GCN1: variants seen among roughly 807,000 people sequenced by gnomAD.
The protein encoded by GCN1 is GCN1 activator of EIF2AK4.
In GCN1, 90 loss-of-function variants were observed where a neutral mutation model predicts 288.4. The ratio of observed to expected loss-of-function variants is 0.31; its 90% CI spans 0.26 to 0.37. The LOEUF is 0.37. Ranked by LOEUF, GCN1 falls within the 10% of genes least tolerant of loss-of-function variation. The pLI is 1.00. For missense variants in GCN1, 2,586 were observed against 3,419.9 expected, an observed-to-expected ratio of 0.76 and a Z score of 6.08; for synonymous variants, 1,386 against 1,420.2, an observed-to-expected ratio of 0.98 and a Z score of 0.54.
At chr12:120,184,942 T>C in intron 2 of GCN1, 55 bp from the exon 3 acceptor site, 1 of 1,170,620 alleles carries the variant, frequency 8.5e-7, no homozygotes, top group Non-Finnish European at 1.3e-6. Flanking sequence ...GGTAAGCCGC[T>C]GGAGTCAGGT....
At position 120,164,419 on chromosome 12, in the gene GCN1, G is replaced by A. The variant is rs368520584; in HGVS notation, c.1765C>T (p.Arg589Trp). Residue 589 changes from arginine to tryptophan, a missense_variant, in exon 18 of 58, where the codon CGG (arginine) becomes TGG (tryptophan). Arg to Trp is a moderately radical substitution (Grantham distance 101). This residue lies in a region of GCN1 where 913 missense variants were observed against 1,107.0 expected (regional missense o/e 0.82). Coordinates refer to ENST00000300648, the MANE Select transcript of GCN1 (RefSeq NM_006836.2). The part of the protein sequence containing the change: ...HVRRQAQQTV[R>W]KLLSSLGGFK... Reference sequence around the variant, plus strand: ...CCCCCAAGAGAGGACAGCAGCTTCCGAACTGTCTGCTGAGCCTGCCTGCGG... The same window carrying A: ...CCCCCAAGAGAGGACAGCAGCTTCCAAACTGTCTGCTGAGCCTGCCTGCGG... 3.7e-6 allele frequency: 6 copies of A among 1,614,114 alleles called. No individual in the cohort carries two copies. Among genetic ancestry groups the A allele is most frequent in the South Asian group, 1.1e-5 (1 of 91,076 alleles).
At chr12:120,149,780 A>T in intron 35 of GCN1, 60 bp from the exon 36 acceptor site, 1 of 1,525,354 alleles carries the variant, frequency 6.6e-7, no homozygotes, top group East Asian at 2.3e-5. Flanking sequence ...GCAAGGCCTG[A>T]CACCAGTCCT....
intron 24 of GCN1, 65 bp downstream of exon 24, chr12:120,159,760 A>T (rs1594274606): frequency 7.1e-7 from 1 of 1,398,860 alleles, no homozygotes; most frequent in Non-Finnish European, 1.0e-6. Context: ...ACTCAGGGGC[A>T]CACCCTGTCC....
In GCN1 at chr12:120,137,796, C is replaced by T. The variant is rs776329677; in HGVS notation, c.6412G>A (p.Ala2138Thr). 1.2e-6 allele frequency: 2 copies of T among 1,613,730 alleles called. No individual in the cohort carries two copies. Among genetic ancestry groups the T allele is most frequent in the South Asian group, 1.1e-5 (1 of 91,076 alleles). The change falls in exon 49 of 58, where the codon GCT becomes ACT. Residue 2138 changes from alanine (A) to threonine (T), a missense_variant. Around this residue, in one of 8 missense-constraint regions of GCN1, gnomAD observed 437 missense variants for 570.5 expected, o/e 0.77. Coordinates refer to ENST00000300648, the MANE Select transcript of GCN1 (RefSeq NM_006836.2). The surrounding 1 kb of genome is among the most constrained non-coding windows in gnomAD (Gnocchi z 5.2). ...DEQLEMANCQ[A>T]VILSVEDDTG... The stretch of plus-strand genomic sequence containing the variant: ...TCATCCTCTACGGAGAGGATCACAG[C>T]CTGACAATTGGCCATCTCCTGCAAA...
Position 120,151,195 on chromosome 12 carries a change from G to A in GCN1, c.4259C>T (p.Ala1420Val), listed in dbSNP as rs536314763. ...ATCTTGGATGGCATCAGTCAGTGCC[G>A]CCATCATCTCCTGTTGCTTCAGCGA... ...ILSLKQQEMM[A>V]ALTDAIQDKK... The change falls in exon 34 of 58, where the codon GCG becomes GTG. Residue 1420 changes from alanine (A) to valine (V), a missense_variant. Ala to Val is a moderately conservative substitution (Grantham distance 64). This residue lies in a region of GCN1 where 371 missense variants were observed against 572.6 expected (regional missense o/e 0.65). Transcript: ENST00000300648. 7.4e-6 allele frequency: 12 copies of A among 1,613,952 alleles called. No homozygotes were observed. The highest frequency in any genetic ancestry group is 2.2e-5 in the East Asian group (1 of 44,880).
At chr12:120,170,443 A>G (rs1248419509) in intron 14 of GCN1, 122 bp from the exon 15 acceptor site, 6 of 818,622 alleles carry the variant, frequency 7.3e-6, no homozygotes, top group South Asian at 3.6e-5. Context: ...AATTTTTCAA[A>G]TATCTCAAAA....
chr12:120,138,500 TTCCC>T, intron 46 of GCN1, 85 bp from the exon 47 acceptor site: 1 of 1,045,898 alleles, frequency 9.6e-7, no homozygotes. Context: ...CTCCACTTGT[TTCCC>T]TCCCTCCTGT....
At chr12:120,187,545 A>G (rs1594291189) in intron 2 of GCN1, among the ~76,000 whole-genome samples, 1 of 151,914 alleles carries the variant, frequency 6.6e-6, no homozygotes, top group East Asian at 1.9e-4. Flanking sequence ...TTTAGTAAAC[A>G]TAGGAATCAC....
At chr12:120,163,441 G>A (rs970756223) in intron 18 of GCN1, among the ~76,000 whole-genome samples, 182 bp from the exon 19 acceptor site, 3 of 152,248 alleles carry the variant, frequency 2.0e-5, no homozygotes, top group Admixed American at 1.3e-4. Context: ...GTGCCTGGAA[G>A]AAGGAAGCAC....
Position 120,134,084 on chromosome 12 carries a change from G to C in GCN1, c.7317+207C>G, listed in dbSNP as rs894219386. On this transcript the variant is annotated intron_variant, in intron 53 of 57. Transcript: ENST00000300648. The surrounding 1 kb of genome is among the most constrained non-coding windows in gnomAD (Gnocchi z 5.0). ...TCAGCCAAAAAACAAACAAACAAAC[G>C]GAAATAACCAATATATCCACAATAC... Among the ~76,000 whole-genome samples the C allele has an allele frequency of 1.3e-5, 2 of 152,014 alleles. No individual in the cohort carries two copies. Among genetic ancestry groups the C allele is most frequent in the African/African-American group, 2.4e-5 (1 of 41,370 alleles).
intron 14 of GCN1, among the ~76,000 whole-genome samples, chr12:120,172,784 G>A (rs1175881716): frequency 2.0e-5 from 3 of 151,946 alleles, no homozygotes; most frequent in Admixed American, 6.6e-5. Flanking sequence ...GCTGGTAGGC[G>A]TGAGCCACTG....
chr12:120,128,378 C>T (rs1191078137), intron 57 of GCN1, among the ~76,000 whole-genome samples: 2 of 151,886 alleles, frequency 1.3e-5, no homozygotes, highest in Non-Finnish European at 2.9e-5. Flanking sequence ...TCTTGTCGCC[C>T]ATGCTGGAGT....
At chr12:120,178,513 A>C (rs1594286125) in intron 7 of GCN1, 112 bp downstream of exon 7, 2 of 1,038,858 alleles carry the variant, frequency 1.9e-6, no homozygotes, top group Non-Finnish European at 1.5e-6. Flanking sequence ...AGTTTCAGAT[A>C]AGGTCAACAG....
Position 120,153,120 on chromosome 12 carries a change from T to C in GCN1, c.4062+93A>G, listed in dbSNP as rs1052270285. 10 of 1,042,904 alleles carry C rather than the reference T, an allele frequency of 9.6e-6. No homozygotes were observed. The Admixed American group carries it at 2.3e-4, about 24-fold the overall frequency. 64.6% of individuals were successfully genotyped at this position (1,042,904 alleles called of 1,614,324 possible). A position where few individuals can be genotyped will look rare whatever the true frequency, so the allele number is the denominator to read the frequency against. ...AGAACTGGGCTTTCAGGGCCCTGAT[T>C]GTCCAACTCCACCCCTAGTATCCCA... On this transcript the variant is annotated intron_variant, in intron 33 of 57. Coordinates refer to ENST00000300648, the MANE Select transcript of GCN1 (RefSeq NM_006836.2). The surrounding 1 kb of genome is among the most constrained non-coding windows in gnomAD (Gnocchi z 4.4).
chr12:120,131,420 G>T, intron 54 of GCN1, 87 bp from the exon 55 acceptor site: 2 of 1,332,802 alleles, frequency 1.5e-6, no homozygotes, highest in Non-Finnish European at 2.1e-6. Flanking sequence ...CCCCGCTGGA[G>T]ACCAGTGTGC....
chr12:120,135,850 C>T (rs1409349379), intron 51 of GCN1, among the ~76,000 whole-genome samples: 4 of 151,838 alleles, frequency 2.6e-5, no homozygotes, highest in African/African-American at 9.7e-5. Flanking sequence ...CCTGTCTCTA[C>T]TAAAAATACA....
chr12:120,138,942 G>T, intron 45 of GCN1, 86 bp from the exon 46 acceptor site: 3 of 1,166,180 alleles, frequency 2.6e-6, no homozygotes, highest in Non-Finnish European at 3.7e-6. Context: ...AGGGGACTCT[G>T]ACCCAGCTAG....
intron 12 of GCN1, among the ~76,000 whole-genome samples, chr12:120,174,604 C>T (rs1013229542): frequency 2.6e-5 from 4 of 151,692 alleles, no homozygotes; most frequent in South Asian, 2.1e-4. Flanking sequence ...TCCTGGCCAA[C>T]GTGGTGAAAC....
At chr12:120,133,560 C>T (rs1226580896) in intron 53 of GCN1, among the ~76,000 whole-genome samples, 1 of 152,174 alleles carries the variant, frequency 6.6e-6, no homozygotes, top group African/African-American at 2.4e-5. Context: ...TATCCCACTA[C>T]ACACTAAGTT....
Sources: allele counts gnomAD v4.1 joint callset (sites outside exome capture counted in the v4.1 genomes callset), GRCh38; gene constraint gnomAD v4.1.1; regional missense constraint gnomAD v4.1.1; non-coding constraint Gnocchi (gnomAD v3.1); transcripts MANE v1.5; gene names NCBI Gene and HGNC (gene_info 2026-07-23, HGNC 2026-07-21).